Variants in TCERG1L observed in about 807,000 individuals in gnomAD.
TCERG1L encodes the protein transcription elongation regulator 1 like.
A neutral mutation model predicts 56.3 loss-of-function variants in TCERG1L; 37 were observed. That is an observed-to-expected ratio of 0.66 (90% CI 0.51 to 0.87). TCERG1L has a LOEUF of 0.87. TCERG1L is among the 40% of genes least tolerant of loss of function. TCERG1L has a pLI of 0.00. For synonymous variants in TCERG1L, 324 were observed against 326.3 expected, an observed-to-expected ratio of 0.99 and a Z score of 0.08; for missense variants, 799 against 774.2, an observed-to-expected ratio of 1.03 and a Z score of -0.38.
chr10:131,216,937 G>A (rs1199419115), intron 4 of TCERG1L, among the ~76,000 whole-genome samples: 1 of 152,160 alleles, frequency 6.6e-6, no homozygotes, highest in Non-Finnish European at 1.5e-5. Flanking sequence ...CTCTACCCAG[G>A]GCACAGGACC....
At chr10:131,218,576 C>A (rs778724551) in intron 4 of TCERG1L, among the ~76,000 whole-genome samples, 1 of 152,204 alleles carries the variant, frequency 6.6e-6, no homozygotes, top group Non-Finnish European at 1.5e-5. Context: ...TCACTGCAAC[C>A]TCCGCTTCCC....
intron 4 of TCERG1L, among the ~76,000 whole-genome samples, chr10:131,175,007 G>C (rs999070937): frequency 5.4e-5 from 6 of 111,812 alleles, no homozygotes; most frequent in Admixed American, 8.5e-5. Flanking sequence ...TCCATCCCCA[G>C]CCAGAGTCCA....
chr10:131,186,226 G>A (rs981908329), intron 4 of TCERG1L, among the ~76,000 whole-genome samples: 1 of 152,180 alleles, frequency 6.6e-6, no homozygotes, highest in Non-Finnish European at 1.5e-5. Flanking sequence ...GGGAGAAACT[G>A]ATTAACCAGT....
intron 10 of TCERG1L, among the ~76,000 whole-genome samples, chr10:131,098,629 C>T (rs773339108): frequency 2.6e-5 from 4 of 152,200 alleles, no homozygotes; most frequent in East Asian, 3.9e-4. Context: ...GGTGCCCACA[C>T]GGCCCGGCAT....
chr10:131,166,247 C>T (rs1466640464), intron 5 of TCERG1L, among the ~76,000 whole-genome samples: 1 of 152,200 alleles, frequency 6.6e-6, no homozygotes, highest in Non-Finnish European at 1.5e-5. Flanking sequence ...GTCCCACCAG[C>T]GTCTTCAGTG....
In TCERG1L at chr10:131,294,314, G is replaced by A. The variant is rs549616808; in HGVS notation, c.670+13897C>T. Reference sequence around the variant, plus strand: ...CATCAAAGGCCATACACTCTACAGCGCCACACAGTGTAGCCCATCACTAAC... The same window carrying A: ...CATCAAAGGCCATACACTCTACAGCACCACACAGTGTAGCCCATCACTAAC... On this transcript the variant is annotated intron_variant, in intron 3 of 11. Transcript: ENST00000368642. Among the ~76,000 whole-genome samples, 13 of 152,174 alleles carry A rather than the reference G, an allele frequency of 8.5e-5. No individual in the cohort carries two copies. In the South Asian group the frequency reaches 1.9e-3, roughly 22 times the overall value.
chr10:131,280,579 G>T (rs1163097379), intron 3 of TCERG1L, among the ~76,000 whole-genome samples: 1 of 152,186 alleles, frequency 6.6e-6, no homozygotes, highest in Non-Finnish European at 1.5e-5. Flanking sequence ...TGGGACGCAG[G>T]TTGGCCCTAA....
intron 4 of TCERG1L, among the ~76,000 whole-genome samples, chr10:131,207,896 C>A (rs942511647): frequency 5.3e-5 from 8 of 152,162 alleles, no homozygotes; most frequent in Non-Finnish European, 7.3e-5. Context: ...TGGAAATAGG[C>A]TGTGTCAAGA....
At position 131,092,574 on chromosome 10, in the gene TCERG1L, G is replaced by A. The variant is rs1288385538; in HGVS notation, c.*588C>T. ...CAACCAACACGGCTCCCTGCTCCAG[G>A]CCGGGACGCCCCTCTGGGAGGAACG... On this transcript the variant is annotated 3_prime_UTR_variant, in exon 12 of 12. Transcript: ENST00000368642. The A allele has an allele frequency of 6.6e-6, 1 of 152,598 alleles. No individual in the cohort carries two copies. Among genetic ancestry groups the A allele is most frequent in the Non-Finnish European group, 1.5e-5 (1 of 68,046 alleles). 9.5% of individuals were successfully genotyped at this position (152,598 alleles called of 1,614,324 possible).
At chr10:131,254,065 C>T (rs1052295238) in intron 4 of TCERG1L, among the ~76,000 whole-genome samples, 3 of 152,126 alleles carry the variant, frequency 2.0e-5, no homozygotes, top group African/African-American at 7.2e-5. Flanking sequence ...GTGGGGGAAC[C>T]ACTGGCCACA....
rs79586733 is a variant in TCERG1L, at chr10:131,307,008, T to C, written c.670+1203A>G. ...AAACTACATTTGCTGGTTATTTTCA[T>C]GACAGTTATTGCCAGTGCGTTAGGA... On this transcript the variant is annotated intron_variant, in intron 3 of 11. Transcript: ENST00000368642. Among the ~76,000 whole-genome samples, 1,481 of 152,310 alleles carry C rather than the reference T, an allele frequency of 9.7e-3. 28 individuals are homozygous for C. The highest frequency in any genetic ancestry group is 0.035 in the African/African-American group (1,437 of 41,566).
intron 3 of TCERG1L, among the ~76,000 whole-genome samples, chr10:131,303,698 T>C (rs2944488): frequency 6.6e-6 from 1 of 151,904 alleles, no homozygotes; most frequent in East Asian, 1.9e-4. Flanking sequence ...TGCTTAAGAA[T>C]CTTTCTATGT....
intron 8 of TCERG1L, among the ~76,000 whole-genome samples, chr10:131,133,434 C>G (rs749900928): frequency 2.0e-5 from 3 of 152,152 alleles, no homozygotes; most frequent in Non-Finnish European, 4.4e-5. Context: ...AGGGCTGATG[C>G]AGGAGCCTGG....
chr10:131,287,465 C>T (rs752115727), intron 3 of TCERG1L, among the ~76,000 whole-genome samples: 1 of 152,218 alleles, frequency 6.6e-6, no homozygotes, highest in East Asian at 1.9e-4. Context: ...AAATACAAAT[C>T]TCACTTAATT....
chr10:131,184,518 A>G (rs749185915), intron 4 of TCERG1L, among the ~76,000 whole-genome samples: 9 of 152,246 alleles, frequency 5.9e-5, no homozygotes, highest in Non-Finnish European at 1.3e-4. Flanking sequence ...GCAAGAGTCA[A>G]GGCAGCTGGA....
At chr10:131,299,667 G>A (rs201172065) in intron 3 of TCERG1L, among the ~76,000 whole-genome samples, 1 of 152,096 alleles carries the variant, frequency 6.6e-6, no homozygotes, top group Admixed American at 6.5e-5. Context: ...GCAGTTTTTT[G>A]TATAGTTTTG....
At chr10:131,200,137 C>T (rs372242214) in intron 4 of TCERG1L, among the ~76,000 whole-genome samples, 8 of 152,212 alleles carry the variant, frequency 5.3e-5, no homozygotes, top group African/African-American at 1.4e-4. Context: ...CACTCTGAAA[C>T]GATTCCAGCC....
intron 8 of TCERG1L, among the ~76,000 whole-genome samples, chr10:131,129,682 T>A (rs1359981432): frequency 6.6e-6 from 1 of 152,208 alleles, no homozygotes; most frequent in Non-Finnish European, 1.5e-5. Context: ...TTGTCTTTGA[T>A]GGAAATCACT....
intron 9 of TCERG1L, among the ~76,000 whole-genome samples, chr10:131,105,097 ATGGTTTGAGGAGCCC>A (rs1845339755): frequency 6.6e-6 from 1 of 152,158 alleles, no homozygotes; most frequent in Admixed American, 6.5e-5. Flanking sequence ...GATGACCTTG[ATGGTTTGAGGAGCCC>A]TGGTCAGGTG....
Sources: allele counts gnomAD v4.1 joint callset (sites outside exome capture counted in the v4.1 genomes callset), GRCh38; gene constraint gnomAD v4.1.1; transcripts MANE v1.5; gene names NCBI Gene and HGNC (gene_info 2026-07-23, HGNC 2026-07-21).